PIP4K2A: variants seen among roughly 807,000 people sequenced by gnomAD.
PIP4K2A encodes phosphatidylinositol-5-phosphate 4-kinase type 2 alpha, also known as phosphatidylinositol 5-phosphate 4-kinase type-2 alpha.
In PIP4K2A, 14 loss-of-function variants were observed where a neutral mutation model predicts 42.9. The observed-to-expected ratio is 0.33, with a 90% CI of 0.22 to 0.51. The LOEUF is 0.51. PIP4K2A is among the 20% of genes least tolerant of loss of function. The pLI, the probability that PIP4K2A is intolerant of heterozygous loss-of-function variation, is 0.97. For synonymous variants in PIP4K2A, 192 were observed against 192.2 expected, an observed-to-expected ratio of 1.00 and a Z score of 0.01; for missense variants, 434 against 519.8, an observed-to-expected ratio of 0.83 and a Z score of 1.61.
intron 1 of PIP4K2A, among the ~76,000 whole-genome samples, chr10:22,664,126 TATACATATATATATACATATATATAC>T (rs1839281748): frequency 1.5e-5 from 1 of 65,608 alleles, no homozygotes; most frequent in African/African-American, 1.3e-4. Context: ...CATATATATA[TATACATATATATATACATATATATAC>T]ACATATATAT....
At chr10:22,691,562 C>A (rs550464723) in intron 1 of PIP4K2A, 1 of 152,152 alleles carries the variant, frequency 6.6e-6, no homozygotes, top group East Asian at 1.9e-4. Context: ...CTCACATGAT[C>A]ATTTGTGTAA....
chr10:22,548,743 T>C (rs1836316409), intron 7 of PIP4K2A, among the ~76,000 whole-genome samples: 1 of 152,196 alleles, frequency 6.6e-6, no homozygotes, highest in South Asian at 2.1e-4. Context: ...TCGTTTTGTT[T>C]GTTTGAAGTA....
chr10:22,652,610 A>C (rs1321162973), intron 1 of PIP4K2A, among the ~76,000 whole-genome samples: 1 of 152,240 alleles, frequency 6.6e-6, no homozygotes, highest in Non-Finnish European at 1.5e-5. Context: ...CTGAAGGTAC[A>C]TTTGCTTTTA....
At chr10:22,671,812 C>T (rs893326497) in intron 1 of PIP4K2A, among the ~76,000 whole-genome samples, 5 of 151,298 alleles carry the variant, frequency 3.3e-5, no homozygotes, top group South Asian at 4.2e-4. Context: ...ATTTTTCTAG[C>T]GAAATGCAGA....
At chr10:22,599,143 G>A (rs1197023657) in intron 3 of PIP4K2A, among the ~76,000 whole-genome samples, 2 of 152,136 alleles carry the variant, frequency 1.3e-5, no homozygotes, top group East Asian at 3.8e-4. Context: ...CAAACTCCAA[G>A]CATTCTTCTT....
At chr10:22,701,398 G>A (rs934450977) in intron 1 of PIP4K2A, among the ~76,000 whole-genome samples, 4 of 152,248 alleles carry the variant, frequency 2.6e-5, no homozygotes, top group Middle Eastern at 3.4e-3. Context: ...TAGGCTATGG[G>A]CCACTTAGAC....
intron 2 of PIP4K2A, among the ~76,000 whole-genome samples, chr10:22,609,214 T>C (rs1022016614): frequency 1.3e-5 from 2 of 152,232 alleles, no homozygotes; most frequent in Admixed American, 6.5e-5. Flanking sequence ...ACATGGCATC[T>C]AATTGTGCCT....
rs567883236 is a variant in PIP4K2A at position 22,698,947 on chromosome 10, T to C, written c.144+15236A>G. Among the ~76,000 whole-genome samples the C allele has an allele frequency of 1.7e-4, 26 of 152,344 alleles. 1 individual carries two copies. In the East Asian group the frequency reaches 4.0e-3, roughly 24 times the overall value. On this transcript the variant is annotated intron_variant, in intron 1 of 9. Coordinates refer to ENST00000376573, the MANE Select transcript of PIP4K2A (RefSeq NM_005028.5). ...TAAGCATAAGAAGAAAGAAGCTTTA[T>C]CTAACACATAATAAAAATATTCACT...
intron 1 of PIP4K2A, among the ~76,000 whole-genome samples, chr10:22,682,856 A>G (rs572894115): frequency 6.6e-6 from 1 of 152,294 alleles, no homozygotes; most frequent in South Asian, 2.1e-4. Context: ...CAGGATCTGA[A>G]GAGACACAGA....
At chr10:22,687,621 C>A (rs1307804844) in intron 1 of PIP4K2A, among the ~76,000 whole-genome samples, 1 of 152,040 alleles carries the variant, frequency 6.6e-6, no homozygotes, top group Non-Finnish European at 1.5e-5. Context: ...GATCAGTGGA[C>A]AACCGGTTGC....
chr10:22,642,874 T>C (rs1191828670), intron 1 of PIP4K2A, among the ~76,000 whole-genome samples: 1 of 152,176 alleles, frequency 6.6e-6, no homozygotes, highest in Admixed American at 6.5e-5. Flanking sequence ...TTTAGCTTCA[T>C]TCCTGCCAAG....
In PIP4K2A at chr10:22,536,183, C is replaced by A. The variant is rs1374655398; in HGVS notation, c.*1018G>T. ...TGAAACAATGGTCAAACATAAACAT[C>A]TTATAATTCAGATCTGCATTTGGTA... On this transcript the variant is annotated 3_prime_UTR_variant, in exon 10 of 10. Transcript: ENST00000376573. 1 of 398,348 alleles carries A rather than the reference C, an allele frequency of 2.5e-6. No individual in the cohort carries two copies. The highest frequency in any genetic ancestry group is 2.1e-5 in the African/African-American group (1 of 48,620). 24.7% of individuals were successfully genotyped at this position (398,348 alleles called of 1,614,324 possible). A position where few individuals can be genotyped will look rare whatever the true frequency, so the allele number is the denominator to read the frequency against.
intron 3 of PIP4K2A, among the ~76,000 whole-genome samples, chr10:22,601,272 A>C (rs1370555899): frequency 6.6e-6 from 1 of 152,066 alleles, no homozygotes; most frequent in Non-Finnish European, 1.5e-5. Context: ...AAAAGCCACG[A>C]GGCAAAACCC....
At chr10:22,696,574 C>T (rs1412324699) in intron 1 of PIP4K2A, among the ~76,000 whole-genome samples, 2 of 151,698 alleles carry the variant, frequency 1.3e-5, no homozygotes, top group Non-Finnish European at 2.9e-5. Context: ...ACATTTTTCT[C>T]ATAAGAAAAA....
chr10:22,554,565 G>A (rs746514075), intron 6 of PIP4K2A, among the ~76,000 whole-genome samples: 2 of 152,214 alleles, frequency 1.3e-5, no homozygotes, highest in Non-Finnish European at 2.9e-5. Context: ...GAAACCCCCA[G>A]GGCTAACTAA....
At chr10:22,549,340 ATTTTCT>A (rs1001533933) in intron 7 of PIP4K2A, among the ~76,000 whole-genome samples, 11 of 150,498 alleles carry the variant, frequency 7.3e-5, no homozygotes, top group African/African-American at 2.0e-4. Context: ...GGCTTTCGTC[ATTTTCT>A]TTTTCTTTTT....
intron 5 of PIP4K2A, 28 bp from the exon 6 acceptor site, chr10:22,567,917 T>A: frequency 6.2e-7 from 1 of 1,606,964 alleles, no homozygotes; most frequent in Non-Finnish European, 8.5e-7. Context: ...AATAAAAACA[T>A]GCGCATGGGA....
At chr10:22,600,981 T>C (rs1239608945) in intron 3 of PIP4K2A, among the ~76,000 whole-genome samples, 3 of 151,234 alleles carry the variant, frequency 2.0e-5, no homozygotes, top group Non-Finnish European at 3.0e-5. Context: ...AAAAAGAATA[T>C]AAAAATGAAA....
At chr10:22,651,758 C>T (rs968924514) in intron 1 of PIP4K2A, among the ~76,000 whole-genome samples, 1 of 152,206 alleles carries the variant, frequency 6.6e-6, no homozygotes, top group East Asian at 1.9e-4. Flanking sequence ...TGCTGGTGCC[C>T]GGGAGGCAGC....
Sources: gnomAD v4.1 joint callset for allele counts (sites outside exome capture counted in the v4.1 genomes callset) on GRCh38, gnomAD v4.1.1 for gene constraint, MANE v1.5 for transcripts, NCBI Gene and HGNC (gene_info 2026-07-23, HGNC 2026-07-21) for gene names.